Variants in COL27A1 observed in about 807,000 individuals in gnomAD.
COL27A1 encodes the protein collagen alpha-1(XXVII) chain.
In COL27A1, 106 loss-of-function variants were observed where a neutral mutation model predicts 251.3. That is an observed-to-expected ratio of 0.42 (90% CI 0.36 to 0.50). The LOEUF (loss-of-function observed/expected upper bound fraction) is 0.50, where lower values mean the gene tolerates loss of function less well. COL27A1 is among the 20% of genes least tolerant of loss of function. The pLI is 0.00. For missense variants in COL27A1, 2,325 were observed against 2,522.8 expected, an observed-to-expected ratio of 0.92 and a Z score of 1.68; for synonymous variants, 1,000 against 986.3, an observed-to-expected ratio of 1.01 and a Z score of -0.26.
intron 41 of COL27A1, among the ~76,000 whole-genome samples, chr9:114,285,716 A>G (rs1243159093): frequency 6.6e-6 from 1 of 152,178 alleles, no homozygotes; most frequent in African/African-American, 2.4e-5. Flanking sequence ...AAGCCACAGA[A>G]GGTGCCACTC....
intron 34 of COL27A1, among the ~76,000 whole-genome samples, chr9:114,268,525 G>A (rs914300789): frequency 6.6e-6 from 1 of 152,212 alleles, no homozygotes; most frequent in Non-Finnish European, 1.5e-5. Flanking sequence ...TCTCAAGGAA[G>A]AATAAAGTCA....
chr9:114,284,862 G>A, intron 41 of COL27A1, 85 bp downstream of exon 41: 3 of 1,468,134 alleles, frequency 2.0e-6, no homozygotes, highest in Non-Finnish European at 2.9e-6. Context: ...AAAGCCCCTG[G>A]GGTACCCATG....
At chr9:114,258,770 C>G (rs1167375850) in intron 28 of COL27A1, among the ~76,000 whole-genome samples, 176 bp downstream of exon 28, 2 of 152,166 alleles carry the variant, frequency 1.3e-5, no homozygotes, top group Non-Finnish European at 2.9e-5. Context: ...GGGGTGGGAC[C>G]CCACCCCTCT....
At chr9:114,258,176 C>CAATA (rs1428398449) in intron 27 of COL27A1, among the ~76,000 whole-genome samples, 1 of 152,178 alleles carries the variant, frequency 6.6e-6, no homozygotes, top group Non-Finnish European at 1.5e-5. Flanking sequence ...GATCCTCTCT[C>CAATA]AATAAATACA....
intron 3 of COL27A1, among the ~76,000 whole-genome samples, chr9:114,171,629 A>G (rs565639391): frequency 1.3e-5 from 2 of 151,496 alleles, no homozygotes; most frequent in Non-Finnish European, 2.9e-5. Flanking sequence ...ATGTCCGGCT[A>G]ATTTTTTCAC....
Position 114,195,976 on chromosome 9 carries a change from T to A in COL27A1, c.2088T>A (p.Pro696=). ...HDGAKGDMGL[P]GLSGNPGPPG... is the part of the protein sequence containing the mutation. ...TCTTCCAGGGTGACATGGGCTTGCCTGGGCTCTCCGGGAATCCAGGACCTC... is the reference window on the plus strand; with the variant it reads ...TCTTCCAGGGTGACATGGGCTTGCCAGGGCTCTCCGGGAATCCAGGACCTC... The change falls in exon 7 of 61, where the codon CCT becomes CCA. Residue 696 remains proline, a synonymous_variant. Transcript: ENST00000356083. 1.2e-6 allele frequency: 2 copies of A among 1,614,138 alleles called. No homozygotes were observed.
At chr9:114,178,430 T>C in intron 4 of COL27A1, 86 bp downstream of exon 4, 1 of 1,225,594 alleles carries the variant, frequency 8.2e-7, no homozygotes, top group East Asian at 2.3e-5. Flanking sequence ...GTTTGCTGTG[T>C]GTCCTCAGGT....
chr9:114,301,757 G>A, intron 55 of COL27A1, 40 bp downstream of exon 55: 2 of 1,596,398 alleles, frequency 1.3e-6, no homozygotes, highest in Non-Finnish European at 1.7e-6. Flanking sequence ...GACTCCTGGG[G>A]GGTTCCTTTG....
At chr9:114,306,073 C>A in intron 57 of COL27A1, 1 of 159,546 alleles carries the variant, frequency 6.3e-6, no homozygotes, top group Non-Finnish European at 1.4e-5. Context: ...GCCTGCTGGC[C>A]CCAGTCCCGT....
At position 114,289,245 on chromosome 9, in the gene COL27A1, C is replaced by T. The variant is rs747952522; in HGVS notation, c.4156C>T (p.His1386Tyr). 23 of 1,589,424 alleles carry T rather than the reference C, an allele frequency of 1.4e-5. No homozygotes were observed. In the East Asian group the frequency reaches 4.8e-4, roughly 33 times the overall value. The change falls in exon 45 of 61, where the codon CAT becomes TAT. Residue 1386 changes from histidine (H) to tyrosine (Y), a missense_variant. His to Tyr is a moderately conservative substitution (Grantham distance 83). Coordinates refer to ENST00000356083, the MANE Select transcript of COL27A1 (RefSeq NM_032888.4). ...GTCATCTCACCTTGGTTTGCAGGGGCATCCGGGACCCCGGGGGTGGCCGGG... is the reference window on the plus strand; with the variant it reads ...GTCATCTCACCTTGGTTTGCAGGGGTATCCGGGACCCCGGGGGTGGCCGGG... ...GKPGQQGQPG[H>Y]PGPRGWPGPK...
intron 44 of COL27A1, 102 bp from the exon 45 acceptor site, chr9:114,289,140 C>A (rs931557132): frequency 1.6e-6 from 2 of 1,289,564 alleles, no homozygotes; most frequent in Non-Finnish European, 2.2e-6. Context: ...GAACCTGCAC[C>A]CCCAAACCCC....
intron 7 of COL27A1, 58 bp from the exon 8 acceptor site, chr9:114,205,044 G>T: frequency 1.9e-6 from 3 of 1,566,254 alleles, no homozygotes; most frequent in South Asian, 1.1e-5. Flanking sequence ...GGGCCCTTGC[G>T]ATCTCCAGGA....
chr9:114,300,844 C>G (rs1828569123), intron 51 of COL27A1, among the ~76,000 whole-genome samples, 157 bp downstream of exon 51: 1 of 152,222 alleles, frequency 6.6e-6, no homozygotes, highest in African/African-American at 2.4e-5. Flanking sequence ...GCCGTTCCCA[C>G]CAGCTCAGCC....
intron 60 of COL27A1, 40 bp from the exon 61 acceptor site, chr9:114,310,509 C>G: frequency 6.2e-7 from 1 of 1,610,310 alleles, no homozygotes; most frequent in Non-Finnish European, 8.5e-7. Flanking sequence ...TGATAAGAAT[C>G]ACGATGGATG....
chr9:114,285,421 C>T (rs1035751877), intron 41 of COL27A1, among the ~76,000 whole-genome samples: 6 of 152,150 alleles, frequency 3.9e-5, no homozygotes, highest in African/African-American at 1.4e-4. Context: ...CCAAGGCAAT[C>T]CCAAACTGGC....
At chr9:114,309,609 T>A (rs1588911542) in intron 60 of COL27A1, 131 bp downstream of exon 60, 1 of 710,320 alleles carries the variant, frequency 1.4e-6, no homozygotes, top group East Asian at 2.8e-5. Context: ...GTGATAGATA[T>A]GATTTCATCT....
intron 39 of COL27A1, 56 bp from the exon 40 acceptor site, chr9:114,283,653 G>T: frequency 1.3e-6 from 2 of 1,536,334 alleles, no homozygotes; most frequent in Non-Finnish European, 1.8e-6. Flanking sequence ...GGAGACTGCT[G>T]TGTCCCCGCT....
At position 114,162,538 on chromosome 9, in the gene COL27A1, C is replaced by T. The variant is rs969577124; in HGVS notation, c.63-177C>T. 3.9e-5 allele frequency among the ~76,000 whole-genome samples: 6 copies of T among 151,988 alleles called. No homozygotes were observed. The East Asian group carries it at 7.8e-4, about 20-fold the overall frequency. ...TCACTGAGAGGCTGTGCCTGGAGGCCGGGAAGAGTGGGCTGCTGCTCTGAT... is the reference window on the plus strand; with the variant it reads ...TCACTGAGAGGCTGTGCCTGGAGGCTGGGAAGAGTGGGCTGCTGCTCTGAT... On this transcript the variant is annotated intron_variant, in intron 1 of 60. Coordinates refer to ENST00000356083, the MANE Select transcript of COL27A1 (RefSeq NM_032888.4).
At chr9:114,245,668 C>G (rs953865640) in intron 23 of COL27A1, among the ~76,000 whole-genome samples, 198 bp from the exon 24 acceptor site, 2 of 152,206 alleles carry the variant, frequency 1.3e-5, no homozygotes, top group African/African-American at 4.8e-5. Flanking sequence ...TGACTAGAGT[C>G]ATGTCTGCCT....
Sources: allele counts gnomAD v4.1 joint callset (sites outside exome capture counted in the v4.1 genomes callset), GRCh38; gene constraint gnomAD v4.1.1; transcripts MANE v1.5; gene names NCBI Gene and HGNC (gene_info 2026-07-23, HGNC 2026-07-21).